The following MTCL1 variants were observed in gnomAD, a reference collection of about 807,000 sequenced individuals.
MTCL1 encodes microtubule cross-linking factor 1.
MTCL1 carries 79 observed loss-of-function variants against 141.4 expected under a neutral mutation model. The ratio of observed to expected loss-of-function variants is 0.56; its 90% CI spans 0.47 to 0.67. The LOEUF is 0.67. MTCL1 is among the 30% of genes least tolerant of loss of function. MTCL1 has a pLI of 0.00. For missense variants in MTCL1, 2,177 were observed against 2,113.9 expected (o/e 1.03, Z -0.59); for synonymous variants, 914 against 875.8 (o/e 1.04, Z -0.77).
At chr18:8,799,701 A>G (rs1031959056) in intron 10 of MTCL1, among the ~76,000 whole-genome samples, 3 of 152,208 alleles carry the variant, frequency 2.0e-5, no homozygotes, top group African/African-American at 4.8e-5. Context: ...CCTCGCCACA[A>G]ACCTGCTGCG....
At chr18:8,772,749 A>G (rs2096490005) in intron 4 of MTCL1, among the ~76,000 whole-genome samples, 1 of 151,920 alleles carries the variant, frequency 6.6e-6, no homozygotes, top group Non-Finnish European at 1.5e-5. Context: ...TGTAACCTGT[A>G]TTTTCTTTAT....
At chr18:8,713,760 G>C (rs1246031506), upstream of MTCL1, among the ~76,000 whole-genome samples, 1 of 152,160 alleles carries the variant, frequency 6.6e-6, no homozygotes, top group Non-Finnish European at 1.5e-5. Flanking sequence ...TATACTTTTA[G>C]AATCTCAGTT....
rs1598547326 is a variant in MTCL1, at chr18:8,763,847, A to G, written c.358-13986A>G. ...CTTGGCATACTTAATTGCATTGTGG[A>G]AAATCTGACCCACTTACCTCCCTGA... On this transcript the variant is annotated intron_variant, in intron 4 of 16. Transcript: ENST00000359865. Among the ~76,000 whole-genome samples, 7 of 152,218 alleles carry G rather than the reference A, an allele frequency of 4.6e-5. No homozygotes were observed. The South Asian group carries it at 1.4e-3, about 32-fold the overall frequency.
At position 8,791,099 on chromosome 18, in the gene MTCL1, T is replaced by C. The variant is rs149243750; in HGVS notation, c.1888-1899T>C. On this transcript the variant is annotated intron_variant, in intron 7 of 16. Transcript: ENST00000359865. ...GGATTAGGGAGATTGTTGCCAGAAC[T>C]GGTAACTGGGAGCCTTGGGTTTCAG... Among the ~76,000 whole-genome samples, 602 of 152,172 alleles carry C rather than the reference T, an allele frequency of 4.0e-3. 2 individuals are homozygous for C. Among genetic ancestry groups the C allele is most frequent in the African/African-American group, 0.014 (580 of 41,530 alleles).
chr18:8,735,913 T>A (rs1035299), intron 4 of MTCL1, among the ~76,000 whole-genome samples: 64,516 of 151,602 alleles, frequency 0.43, 13,989 homozygotes, highest in African/African-American at 0.48. Flanking sequence ...TTATATATAT[T>A]TTTTTTAACC....
intron 12 of MTCL1, among the ~76,000 whole-genome samples, chr18:8,814,889 G>A (rs1459849192): frequency 6.6e-6 from 1 of 152,150 alleles, no homozygotes. Flanking sequence ...TTACTTTTGG[G>A]AATGAAGAAT....
rs960440003 is a variant in MTCL1 at position 8,822,281 on chromosome 18, T to G, written c.3188+783T>G. Among the ~76,000 whole-genome samples the G allele has an allele frequency of 1.3e-5, 2 of 151,292 alleles. No individual in the cohort carries two copies. Among genetic ancestry groups the G allele is most frequent in the Middle Eastern group, 3.4e-3 (1 of 294 alleles). On this transcript the variant is annotated intron_variant, in intron 14 of 16. Transcript: ENST00000359865. The surrounding 1 kb of genome is among the most constrained non-coding windows in gnomAD (Gnocchi z 4.6). ...GGCTCTAGAGCCAAACTGCCTGGGT[T>G]GGTTGGTTGGTTGGTTGGTTGGTTG...
chr18:8,786,014 G>A lies in MTCL1; in HGVS notation c.1810G>A (p.Ala604Thr), dbSNP rs201927020. ...GCGGGAGAGCCTGCGCCTCCGAGCC[G>A]CGCGGGAGCTGCACCGCCGCGCAGA... Residue 604 changes from alanine to threonine, a missense_variant, in exon 7 of 17, where the codon GCG (alanine) becomes ACG (threonine). Transcript: ENST00000359865. The A allele has an allele frequency of 1.9e-3, 3,059 of 1,584,180 alleles. 3 individuals are homozygous for A. The highest frequency in any genetic ancestry group is 2.2e-3 in the Non-Finnish European group (2,499 of 1,156,298).
upstream of MTCL1, among the ~76,000 whole-genome samples, chr18:8,715,018 G>T (rs528156142): frequency 1.3e-5 from 2 of 152,108 alleles, no homozygotes; most frequent in Admixed American, 6.5e-5. Flanking sequence ...GGATGGTCTT[G>T]ATCTCCTGAC....
At chr18:8,768,894 C>A (rs1028499128) in intron 4 of MTCL1, among the ~76,000 whole-genome samples, 3 of 148,782 alleles carry the variant, frequency 2.0e-5, no homozygotes, top group African/African-American at 7.5e-5. Context: ...CAGGTTCAAG[C>A]AATTCTCCTG....
chr18:8,724,176 G>C (rs1457580200), intron 4 of MTCL1, among the ~76,000 whole-genome samples: 1 of 152,132 alleles, frequency 6.6e-6, no homozygotes, highest in Non-Finnish European at 1.5e-5. Flanking sequence ...TTGGGAGGCC[G>C]AGGTGGGTGG....
At chr18:8,814,527 A>C (rs558741928) in intron 12 of MTCL1, among the ~76,000 whole-genome samples, 1 of 152,192 alleles carries the variant, frequency 6.6e-6, no homozygotes, top group Non-Finnish European at 1.5e-5. Context: ...CCTGTATTAA[A>C]TCTCCTGTGT....
At chr18:8,706,694 C>T in exon 1 of MTCL1, 2 of 1,546,164 alleles carry the variant, frequency 1.3e-6, no homozygotes, top group Non-Finnish European at 1.7e-6. Flanking sequence ...GAGCTGCGCT[C>T]GGAGAACGAC....
In MTCL1 at chr18:8,826,033, G is replaced by C. The variant is rs1237149009; in HGVS notation, c.4523G>C (p.Gly1508Ala). 9 of 1,611,604 alleles carry C rather than the reference G, an allele frequency of 5.6e-6. No individual in the cohort carries two copies. The African/African-American group carries it at 8.0e-5, about 14-fold the overall frequency. The change falls in exon 15 of 17, where the codon GGG becomes GCG. Residue 1508 changes from glycine (G) to alanine (A), a missense_variant. By Grantham distance (60) the Gly-to-Ala change is moderately conservative. Coordinates refer to ENST00000359865, the Ensembl canonical transcript of MTCL1. ...GGGTCAGAGATGTGCAGGGAGGAAG[G>C]GGGAGAGGGCACGCCAGTGAAGCAG...
chr18:8,734,132 G>A (rs566398628), intron 4 of MTCL1, among the ~76,000 whole-genome samples: 3 of 151,912 alleles, frequency 2.0e-5, no homozygotes, highest in South Asian at 2.1e-4. Flanking sequence ...GTCCTGCTTC[G>A]TTGTGGGGAC....
chr18:8,820,498 CTT>C (rs2076811182), intron 13 of MTCL1, among the ~76,000 whole-genome samples: 1 of 152,168 alleles, frequency 6.6e-6, no homozygotes, highest in South Asian at 2.1e-4. Flanking sequence ...ACACTCAAGA[CTT>C]AGAAGAGTTC....
At chr18:8,724,055 T>C (rs2096191235) in intron 4 of MTCL1, among the ~76,000 whole-genome samples, 1 of 152,122 alleles carries the variant, frequency 6.6e-6, no homozygotes, top group Non-Finnish European at 1.5e-5. Context: ...GAAAATGTTT[T>C]AGAGCGAGAT....
chr18:8,803,337 C>T (rs1461554674), intron 10 of MTCL1, among the ~76,000 whole-genome samples: 1 of 152,092 alleles, frequency 6.6e-6, no homozygotes. Flanking sequence ...ATAGTTCCTC[C>T]TCTGTAAAAT....
At chr18:8,774,298 T>A (rs1347813701) in intron 4 of MTCL1, among the ~76,000 whole-genome samples, 2 of 150,762 alleles carry the variant, frequency 1.3e-5, no homozygotes, top group Admixed American at 6.6e-5. Context: ...GGAATTTGGT[T>A]AAAATGACAT....
Sources: allele counts gnomAD v4.1 joint callset (sites outside exome capture counted in the v4.1 genomes callset), GRCh38; gene constraint gnomAD v4.1.1; non-coding constraint Gnocchi (gnomAD v3.1); transcripts MANE v1.5; gene names NCBI Gene and HGNC (gene_info 2026-07-23, HGNC 2026-07-21).